Variants in MAF observed in about 807,000 individuals in gnomAD.
MAF encodes MAF bZIP transcription factor.
A neutral mutation model predicts 22.0 loss-of-function variants in MAF; 10 were observed. That is an observed-to-expected ratio of 0.45 (90% CI 0.28 to 0.77). MAF has a LOEUF of 0.77. MAF is among the 30% of genes least tolerant of loss of function. The pLI is 0.12. For synonymous variants in MAF, 337 were observed against 255.8 expected (o/e 1.32, Z -3.03); for missense variants, 544 against 548.4 (o/e 0.99, Z 0.08).
the MAF span, among the ~76,000 whole-genome samples, chr16:79,439,854 G>A: frequency 2.0e-5 from 3 of 152,224 alleles, no homozygotes; most frequent in Non-Finnish European, 4.4e-5. Flanking sequence ...CAACCAAAGA[G>A]ACCAATATAT....
the MAF span, among the ~76,000 whole-genome samples, chr16:79,221,989 G>A: frequency 6.6e-6 from 1 of 152,176 alleles, no homozygotes; most frequent in East Asian, 1.9e-4. Context: ...TCTTAAAGCA[G>A]TAAAAATAAT....
the MAF span, among the ~76,000 whole-genome samples, chr16:79,353,051 C>T: frequency 6.6e-6 from 1 of 151,036 alleles, no homozygotes; most frequent in Admixed American, 6.6e-5. Context: ...ATAGAGATGC[C>T]AAATCAGTCT....
the MAF span, among the ~76,000 whole-genome samples, chr16:79,542,178 C>T: frequency 6.6e-6 from 1 of 152,226 alleles, no homozygotes; most frequent in African/African-American, 2.4e-5. Flanking sequence ...TGGAGCAAGT[C>T]CTGTGCAGCT....
the MAF span, among the ~76,000 whole-genome samples, chr16:79,514,244 T>G: frequency 9.2e-5 from 14 of 152,256 alleles, no homozygotes; most frequent in Non-Finnish European, 1.9e-4. Flanking sequence ...GAAGGGACCT[T>G]GAACGCGCAG....
intron 1 of MAF, among the ~76,000 whole-genome samples, chr16:79,588,590 T>A (rs1567558615): frequency 6.6e-6 from 1 of 151,876 alleles, no homozygotes; most frequent in Non-Finnish European, 1.5e-5. Flanking sequence ...GCCTCCTGAG[T>A]AGCTGGGATT....
At chr16:79,360,803 T>A in the MAF span, among the ~76,000 whole-genome samples, 4 of 152,128 alleles carry the variant, frequency 2.6e-5, no homozygotes, top group African/African-American at 9.7e-5. Context: ...GCCCTACAGA[T>A]AGGATCATAG....
chr16:79,312,628 CCGTCTCTGAAGGAAACA>C, the MAF span, among the ~76,000 whole-genome samples: 1 of 152,222 alleles, frequency 6.6e-6, no homozygotes, highest in Admixed American at 6.5e-5. Context: ...ATACCTAGGA[CCGTCTCTGAAGGAAACA>C]CGTCAGTTAT....
the MAF span, among the ~76,000 whole-genome samples, chr16:79,484,357 G>C: frequency 6.6e-6 from 1 of 152,190 alleles, no homozygotes; most frequent in Non-Finnish European, 1.5e-5. Flanking sequence ...AGGAACCAGA[G>C]GGCTCAAGTG....
chr16:79,384,582 C>G, the MAF span, among the ~76,000 whole-genome samples: 5 of 151,736 alleles, frequency 3.3e-5, no homozygotes, highest in African/African-American at 9.7e-5. Flanking sequence ...ACGGTGAAAC[C>G]CTGTCTCTAC....
At chr16:79,292,700 G>C in the MAF span, among the ~76,000 whole-genome samples, 1 of 152,146 alleles carries the variant, frequency 6.6e-6, no homozygotes, top group Non-Finnish European at 1.5e-5. Context: ...TGAGATACAA[G>C]GTTAGCACAA....
chr16:79,478,460 A>G, the MAF span, among the ~76,000 whole-genome samples: 1 of 152,174 alleles, frequency 6.6e-6, no homozygotes, highest in African/African-American at 2.4e-5. Context: ...CCAACAGAGA[A>G]GAACACAATC....
At chr16:79,202,963 C>T in the MAF span, 1 of 152,106 alleles carries the variant, frequency 6.6e-6, no homozygotes, top group Non-Finnish European at 1.5e-5. Flanking sequence ...ACTTTCTATG[C>T]TAAGGTGTTG....
chr16:79,535,296 T>C, the MAF span, among the ~76,000 whole-genome samples: 1 of 151,886 alleles, frequency 6.6e-6, no homozygotes, highest in East Asian at 2.0e-4. Flanking sequence ...TTTCTGATAC[T>C]ATCATCTTAA....
chr16:79,577,953 G>A, the MAF span, among the ~76,000 whole-genome samples: 2 of 152,078 alleles, frequency 1.3e-5, no homozygotes, highest in African/African-American at 4.8e-5. Context: ...GACTCAGTCT[G>A]TTCAATACCC....
chr16:79,289,786 C>T, the MAF span, among the ~76,000 whole-genome samples: 1 of 151,600 alleles, frequency 6.6e-6, no homozygotes. Flanking sequence ...TGCTCAGAGT[C>T]CAAAGTTTGT....
the MAF span, among the ~76,000 whole-genome samples, chr16:79,312,142 A>G: frequency 6.6e-6 from 1 of 152,002 alleles, no homozygotes; most frequent in Non-Finnish European, 1.5e-5. Context: ...CATCATCATC[A>G]TTACAAAAGT....
the MAF span, among the ~76,000 whole-genome samples, chr16:79,454,630 G>A: frequency 6.6e-6 from 1 of 152,150 alleles, no homozygotes; most frequent in African/African-American, 2.4e-5. Context: ...CAACAGTCAA[G>A]CTTGGGAATA....
At chr16:79,455,506 G>A in the MAF span, among the ~76,000 whole-genome samples, 3 of 152,256 alleles carry the variant, frequency 2.0e-5, no homozygotes, top group East Asian at 3.9e-4. Context: ...TGGCAAGGAT[G>A]AGACACCTTC....
chr16:79,415,013 A>G, the MAF span, among the ~76,000 whole-genome samples: 2 of 152,184 alleles, frequency 1.3e-5, no homozygotes, highest in Non-Finnish European at 2.9e-5. Context: ...CAGAGTTGAC[A>G]TGTTTGTTTC....
Sources: allele counts gnomAD v4.1 joint callset (sites outside exome capture counted in the v4.1 genomes callset), GRCh38; gene constraint gnomAD v4.1.1; transcripts MANE v1.5; gene names NCBI Gene and HGNC (gene_info 2026-07-23, HGNC 2026-07-21).